The following RARB variants were observed in gnomAD, a reference collection of about 807,000 sequenced individuals.
RARB encodes the protein retinoic acid receptor beta, also known as HBV-activated protein.
In RARB, 17 loss-of-function variants were observed where a neutral mutation model predicts 51.9. That is an observed-to-expected ratio of 0.33 (90% CI 0.22 to 0.49). The LOEUF (loss-of-function observed/expected upper bound fraction) is 0.49, where lower values mean the gene tolerates loss of function less well. Among genes scored for constraint, RARB ranks in the 20% least tolerant of loss-of-function variants. The probability of loss-of-function intolerance (pLI) is 0.99; values close to 1 mark genes in which losing one functional copy is unlikely to be tolerated. For missense variants in RARB, 369 were observed against 550.8 expected (o/e 0.67, Z 3.30); for synonymous variants, 215 against 195.4 (o/e 1.10, Z -0.84).
intron 1 of RARB, among the ~76,000 whole-genome samples, chr3:24,857,817 T>G (rs1387741275): frequency 6.6e-6 from 1 of 152,146 alleles, no homozygotes; most frequent in Non-Finnish European, 1.5e-5. Flanking sequence ...TTCCAGCTAC[T>G]TGGGAGGCTG....
At chr3:25,218,166 C>T (rs538474160) in intron 5 of RARB, among the ~76,000 whole-genome samples, 25 of 152,270 alleles carry the variant, frequency 1.6e-4, no homozygotes, top group Admixed American at 7.8e-4. Flanking sequence ...AGCTACAGTG[C>T]TGTGGGCTCC....
At chr3:25,234,974 G>T (rs931535054) in intron 5 of RARB, among the ~76,000 whole-genome samples, 5 of 152,106 alleles carry the variant, frequency 3.3e-5, no homozygotes, top group Non-Finnish European at 7.4e-5. Flanking sequence ...AGAAAAAAAG[G>T]AGGGAGAAAT....
intron 5 of RARB, among the ~76,000 whole-genome samples, chr3:25,248,713 A>C (rs1702631107): frequency 6.6e-6 from 1 of 152,112 alleles, no homozygotes; most frequent in African/African-American, 2.4e-5. Context: ...ATTTTGCTGG[A>C]TCCTTGGCTG....
At chr3:25,300,717 T>C (rs1426320470) in intron 5 of RARB, among the ~76,000 whole-genome samples, 1 of 151,954 alleles carries the variant, frequency 6.6e-6, no homozygotes, top group Non-Finnish European at 1.5e-5. Context: ...TGGTCAGGAG[T>C]GGTGGCTCAC....
chr3:24,986,343 G>A (rs1381660274), intron 2 of RARB, among the ~76,000 whole-genome samples: 2 of 152,136 alleles, frequency 1.3e-5, no homozygotes, highest in Non-Finnish European at 2.9e-5. Context: ...TCCAACTTCC[G>A]TCTCTTCTTC....
chr3:25,586,542 T>C (rs986307142), intron 5 of RARB, among the ~76,000 whole-genome samples: 1 of 152,106 alleles, frequency 6.6e-6, no homozygotes, highest in South Asian at 2.1e-4. Flanking sequence ...CAAGATTTAA[T>C]GTCTTTCCCT....
chr3:25,568,920 T>A (rs1700601990), intron 3 of RARB, among the ~76,000 whole-genome samples: 1 of 152,232 alleles, frequency 6.6e-6, no homozygotes, highest in Non-Finnish European at 1.5e-5. Flanking sequence ...ACACTCGGAT[T>A]TGAAGTCATC....
chr3:25,117,590 AT>A lies in RARB; in HGVS notation c.-327-14570del, dbSNP rs555627325. Among the ~76,000 whole-genome samples the A allele has an allele frequency of 1.4e-3, 218 of 152,244 alleles. 1 individual carries two copies. Among genetic ancestry groups the A allele is most frequent in the South Asian group, 8.9e-3 (43 of 4,822 alleles). The stretch of plus-strand genomic sequence containing the variant: ...AGGATGGATAGGGGATGGATTAGAC[AT>A]GTGGGAGGAAACAGGTGAATTATTT... On this transcript the variant is annotated intron_variant, in intron 3 of 11. Coordinates refer to the RARB transcript ENST00000383772.
intron 5 of RARB, among the ~76,000 whole-genome samples, chr3:25,225,785 T>G (rs1425180780): frequency 6.6e-6 from 1 of 152,132 alleles, no homozygotes; most frequent in Non-Finnish European, 1.5e-5. Context: ...TTTCAATCAA[T>G]AGGTTATTTT....
intron 2 of RARB, among the ~76,000 whole-genome samples, chr3:25,049,503 G>T (rs1698284122): frequency 6.6e-6 from 1 of 152,150 alleles, no homozygotes; most frequent in African/African-American, 2.4e-5. Flanking sequence ...CATGAAAAGG[G>T]TGGGAGACTT....
At position 25,130,992 on chromosome 3, in the gene RARB, A is replaced by AATATTTATCATTGATAATATTATCG. The variant is rs1559477648; in HGVS notation, c.-327-1161_-327-1160insCATTGATAATATTATCGATATTTAT. Among the ~76,000 whole-genome samples, 6 of 30,906 alleles carry AATATTTATCATTGATAATATTATCG rather than the reference A, an allele frequency of 1.9e-4. 1 individual carries two copies. Among genetic ancestry groups the AATATTTATCATTGATAATATTATCG allele is most frequent in the African/African-American group, 5.9e-4 (5 of 8,530 alleles). The allele number at this position is 30,906 out of a possible 152,430, so 20.3% of individuals were successfully genotyped here. On this transcript the variant is annotated intron_variant, in intron 3 of 11. Transcript: ENST00000383772. ...AATATTTATTATTGATAATATTATC[A>AATATTTATCATTGATAATATTATCG]ATATTTATTTATTATTTATCAATGA...
At position 25,079,096 on chromosome 3, in the gene RARB, C is replaced by T. The variant is rs76508577; in HGVS notation, c.-328+18920C>T. Among the ~76,000 whole-genome samples, 672 of 151,520 alleles carry T rather than the reference C, an allele frequency of 4.4e-3. 5 individuals are homozygous for T. The highest frequency in any genetic ancestry group is 0.015 in the African/African-American group (623 of 41,260). On this transcript the variant is annotated intron_variant, in intron 3 of 11. Coordinates refer to the RARB transcript ENST00000383772. ...AATATTTTACAGTTTTCAGTGTTGA[C>T]GCTTACACATATTCTATTAAGTTTA...
chr3:24,914,492 A>C (rs943799774), intron 2 of RARB, among the ~76,000 whole-genome samples: 1 of 152,082 alleles, frequency 6.6e-6, no homozygotes, highest in African/African-American at 2.4e-5. Flanking sequence ...ATTATGTGTA[A>C]AGTACAGCCG....
At chr3:25,469,861 T>G (rs1018875957) in intron 2 of RARB, among the ~76,000 whole-genome samples, 3 of 152,172 alleles carry the variant, frequency 2.0e-5, no homozygotes, top group Admixed American at 2.0e-4. Flanking sequence ...GGTAAAAGGA[T>G]TTAAATTCTG....
chr3:25,409,518 A>C (rs1707502862), intron 5 of RARB, among the ~76,000 whole-genome samples: 1 of 152,164 alleles, frequency 6.6e-6, no homozygotes. Context: ...GGTCACCTTG[A>C]ATATTTAGGG....
intron 2 of RARB, among the ~76,000 whole-genome samples, chr3:24,909,233 T>C (rs1333698684): frequency 3.3e-5 from 5 of 152,202 alleles, no homozygotes; most frequent in African/African-American, 1.2e-4. Flanking sequence ...CTGTCTTTGT[T>C]CTCACTGAAC....
chr3:25,221,594 C>T (rs1432187565), intron 5 of RARB, among the ~76,000 whole-genome samples: 1 of 152,076 alleles, frequency 6.6e-6, no homozygotes, highest in Non-Finnish European at 1.5e-5. Flanking sequence ...GTCTAATCCC[C>T]CTAAAAGTAA....
intron 2 of RARB, among the ~76,000 whole-genome samples, chr3:25,030,427 T>C (rs905737002): frequency 1.2e-4 from 19 of 152,226 alleles, no homozygotes; most frequent in African/African-American, 4.3e-4. Flanking sequence ...CCATATTCTT[T>C]CATAGATTTG....
intron 2 of RARB, among the ~76,000 whole-genome samples, chr3:25,015,045 A>G (rs1240622665): frequency 1.3e-5 from 2 of 152,180 alleles, no homozygotes; most frequent in African/African-American, 2.4e-5. Flanking sequence ...AGTGCTCGTA[A>G]TCAGGACTTT....
Sources: gnomAD v4.1 joint callset for allele counts (sites outside exome capture counted in the v4.1 genomes callset) on GRCh38, gnomAD v4.1.1 for gene constraint, MANE v1.5 for transcripts, NCBI Gene and HGNC (gene_info 2026-07-23, HGNC 2026-07-21) for gene names.